Variants in PAX5 observed in about 807,000 individuals in gnomAD.
The protein encoded by PAX5 is paired box 5.
Under a neutral mutation model 43.7 loss-of-function variants are expected in PAX5, and 9 were observed. That is an observed-to-expected ratio of 0.21 (90% CI 0.12 to 0.36). PAX5 has a LOEUF of 0.36. Among genes scored for constraint, PAX5 ranks in the 10% least tolerant of loss-of-function variants. PAX5 has a pLI of 1.00. For missense variants in PAX5, 383 were observed against 532.7 expected, an observed-to-expected ratio of 0.72 and a Z score of 2.77; for synonymous variants, 228 against 214.3, an observed-to-expected ratio of 1.06 and a Z score of -0.56.
chr9:36,985,571 G>C (rs574119566), intron 5 of PAX5, among the ~76,000 whole-genome samples: 1 of 152,318 alleles, frequency 6.6e-6, no homozygotes, highest in African/African-American at 2.4e-5. Context: ...AGGTCCGAAG[G>C]GGGAGGCAGG....
intron 1 of PAX5, among the ~76,000 whole-genome samples, chr9:37,028,896 G>A (rs574039738): frequency 6.6e-6 from 1 of 152,328 alleles, no homozygotes; most frequent in African/African-American, 2.4e-5. Context: ...TGACTAGCGA[G>A]TCCGCTTCTT....
intron 1 of PAX5, among the ~76,000 whole-genome samples, chr9:37,021,716 G>A (rs1350511035): frequency 1.3e-5 from 2 of 152,164 alleles, no homozygotes; most frequent in Non-Finnish European, 2.9e-5. Flanking sequence ...AAGGACACAA[G>A]GACTCAAGTA....
At chr9:36,986,161 G>C (rs1836392584) in intron 5 of PAX5, among the ~76,000 whole-genome samples, 1 of 151,660 alleles carries the variant, frequency 6.6e-6, no homozygotes, top group African/African-American at 2.4e-5. Flanking sequence ...GCGCCCCCCG[G>C]GGCCCCGGAA....
Position 36,973,133 on chromosome 9 carries a change from A to C in PAX5, c.605-6409T>G, listed in dbSNP as rs201961875. On this transcript the variant is annotated intron_variant, in intron 5 of 9. Transcript: ENST00000358127. ...AGGAAAGGAAAGGAAAGGAAAGGAA[A>C]GAAAAGGAAAGGAAAGGAAAGGAAA... Among the ~76,000 whole-genome samples the C allele has an allele frequency of 4.7e-3, 379 of 80,104 alleles. 1 individual carries two copies. The highest frequency in any genetic ancestry group is 0.021 in the African/African-American group (333 of 16,162). 52.6% of individuals were successfully genotyped at this position (80,104 alleles called of 152,430 possible). A position where few individuals can be genotyped will look rare whatever the true frequency, so the allele number is the denominator to read the frequency against.
intron 7 of PAX5, among the ~76,000 whole-genome samples, chr9:36,899,130 C>T (rs1018095886): frequency 2.0e-5 from 3 of 152,236 alleles, no homozygotes; most frequent in African/African-American, 7.2e-5. Flanking sequence ...TTTCCCCCAA[C>T]TCGCCTCCAT....
At chr9:36,952,027 C>G (rs144339468) in intron 6 of PAX5, among the ~76,000 whole-genome samples, 25 of 152,228 alleles carry the variant, frequency 1.6e-4, no homozygotes, top group African/African-American at 6.0e-4. Flanking sequence ...TTTTTTCCTA[C>G]TTTGTTTTAA....
chr9:36,913,851 G>A (rs1308569333), intron 7 of PAX5, among the ~76,000 whole-genome samples: 1 of 152,158 alleles, frequency 6.6e-6, no homozygotes, highest in South Asian at 2.1e-4. Flanking sequence ...GCTTTGTGGG[G>A]AGGGAAAAGG....
intron 4 of PAX5, among the ~76,000 whole-genome samples, chr9:37,004,612 G>A (rs563540196): frequency 9.2e-5 from 14 of 152,290 alleles, no homozygotes; most frequent in African/African-American, 3.1e-4. Context: ...GGCAGAAATC[G>A]TTAACTTCTC....
chr9:36,952,669 G>A (rs1428572841), intron 6 of PAX5, among the ~76,000 whole-genome samples: 2 of 151,924 alleles, frequency 1.3e-5, no homozygotes, highest in Non-Finnish European at 2.9e-5. Context: ...ACTTTCCCTA[G>A]AGTCTGCAAT....
At chr9:37,018,664 A>G (rs562500197) in intron 2 of PAX5, among the ~76,000 whole-genome samples, 14 of 151,342 alleles carry the variant, frequency 9.3e-5, no homozygotes, top group Non-Finnish European at 1.5e-4. Context: ...CTTAAAAGGC[A>G]GTTCTAATTA....
At chr9:36,915,129 T>C (rs1035592437) in intron 7 of PAX5, among the ~76,000 whole-genome samples, 45 of 152,364 alleles carry the variant, frequency 3.0e-4, no homozygotes, top group African/African-American at 1.1e-3. Flanking sequence ...CATATATAGA[T>C]ATCATTGTGC....
intron 6 of PAX5, among the ~76,000 whole-genome samples, chr9:36,956,474 A>G (rs1274079797): frequency 6.6e-6 from 1 of 152,134 alleles, no homozygotes; most frequent in African/African-American, 2.4e-5. Flanking sequence ...ACCCAGGGCA[A>G]TCTCCCACCC....
At chr9:36,937,505 T>C (rs1189496001) in intron 6 of PAX5, among the ~76,000 whole-genome samples, 2 of 152,206 alleles carry the variant, frequency 1.3e-5, no homozygotes, top group African/African-American at 4.8e-5. Flanking sequence ...GCCTGTGTTC[T>C]TTACTCTGAT....
Position 36,996,223 on chromosome 9 carries a change from C to T in PAX5, c.604+6425G>A, listed in dbSNP as rs1290628977. Among the ~76,000 whole-genome samples, 5 of 152,270 alleles carry T rather than the reference C, an allele frequency of 3.3e-5. No homozygotes were observed. The South Asian group carries it at 1.0e-3, about 31-fold the overall frequency. ...TCACGTCCTCAAACATAGGCCTCTC[C>T]GTGGCCATCTACTCAGCATTGACTA... On this transcript the variant is annotated intron_variant, in intron 5 of 9. Transcript: ENST00000358127.
At chr9:36,979,204 G>A (rs1000370634) in intron 5 of PAX5, among the ~76,000 whole-genome samples, 4 of 152,172 alleles carry the variant, frequency 2.6e-5, no homozygotes, top group Non-Finnish European at 4.4e-5. Flanking sequence ...GTCTGCCAAC[G>A]TGTGTCATCT....
At chr9:36,891,609 C>T (rs967681535) in intron 7 of PAX5, among the ~76,000 whole-genome samples, 4 of 152,210 alleles carry the variant, frequency 2.6e-5, no homozygotes, top group Admixed American at 1.3e-4. Flanking sequence ...AACAGCCTAC[C>T]TCTGCCTGCA....
chr9:36,895,257 C>T (rs985263634), intron 7 of PAX5, among the ~76,000 whole-genome samples: 1 of 152,204 alleles, frequency 6.6e-6, no homozygotes, highest in African/African-American at 2.4e-5. Context: ...TGTGTGCCGC[C>T]GAATCCGCCG....
intron 8 of PAX5, among the ~76,000 whole-genome samples, chr9:36,847,369 T>C (rs1368777743): frequency 6.6e-6 from 1 of 152,152 alleles, no homozygotes; most frequent in Non-Finnish European, 1.5e-5. Flanking sequence ...ATGGGCTCAG[T>C]TCTACCCCCC....
chr9:36,943,787 C>A (rs977161482), intron 6 of PAX5, among the ~76,000 whole-genome samples: 2 of 152,036 alleles, frequency 1.3e-5, no homozygotes, highest in African/African-American at 4.8e-5. Context: ...TTTCATACCT[C>A]ACTACTTTCC....
Sources: gnomAD v4.1 joint callset for allele counts (sites outside exome capture counted in the v4.1 genomes callset) on GRCh38, gnomAD v4.1.1 for gene constraint, MANE v1.5 for transcripts, NCBI Gene and HGNC (gene_info 2026-07-23, HGNC 2026-07-21) for gene names.